GRIA2: variants seen among roughly 807,000 people sequenced by gnomAD.
The protein encoded by GRIA2 is glutamate ionotropic receptor AMPA type subunit 2, also known as glutamate receptor 2.
GRIA2 carries 14 observed loss-of-function variants against 97.3 expected under a neutral mutation model. The ratio of observed to expected loss-of-function variants is 0.14; its 90% confidence interval spans 0.10 to 0.23. The LOEUF (loss-of-function observed/expected upper bound fraction) is 0.23. Among genes scored for constraint, GRIA2 ranks in the 10% least tolerant of loss-of-function variants. The probability of loss-of-function intolerance (pLI) is 1.00; values close to 1 mark genes in which losing one functional copy is unlikely to be tolerated. For missense variants in GRIA2, 558 were observed against 1,069.8 expected, an observed-to-expected ratio of 0.52 and a Z score of 6.67; for synonymous variants, 412 against 387.8, an observed-to-expected ratio of 1.06 and a Z score of -0.73.
intron 2 of GRIA2, among the ~76,000 whole-genome samples, chr4:157,222,854 C>T (rs1291328611): frequency 6.6e-6 from 1 of 152,212 alleles, no homozygotes; most frequent in Non-Finnish European, 1.5e-5. Context: ...CCAGAGGGCT[C>T]CGGTCCCCGC....
chr4:157,248,801 TATATATATATATAA>T (rs1561009790), intron 2 of GRIA2, among the ~76,000 whole-genome samples: 2 of 133,236 alleles, frequency 1.5e-5, no homozygotes, highest in African/African-American at 5.6e-5. Context: ...TATATATATA[TATATATATATATAA>T]ATAAAATAAT....
At chr4:157,235,757 C>T (rs1302191571) in intron 2 of GRIA2, among the ~76,000 whole-genome samples, 1 of 151,700 alleles carries the variant, frequency 6.6e-6, no homozygotes, top group African/African-American at 2.4e-5. Flanking sequence ...TCTTTCATTG[C>T]CACAATCTCT....
At chr4:157,353,624 C>T (rs1314138981) in intron 12 of GRIA2, among the ~76,000 whole-genome samples, 1 of 151,398 alleles carries the variant, frequency 6.6e-6, no homozygotes, top group Middle Eastern at 3.4e-3. Context: ...TGCAGTGAGC[C>T]GAGATAGGAG....
At chr4:157,332,783 C>T in intron 6 of GRIA2, 36 bp from the exon 7 acceptor site, 1 of 1,554,198 alleles carries the variant, frequency 6.4e-7, no homozygotes, top group South Asian at 1.1e-5. Flanking sequence ...TCTGAATTTT[C>T]TCCCGTTCTT....
chr4:157,309,615 G>A (rs904146250), intron 3 of GRIA2, among the ~76,000 whole-genome samples: 1 of 152,164 alleles, frequency 6.6e-6, no homozygotes, highest in Non-Finnish European at 1.5e-5. Flanking sequence ...CCTGGCGCAA[G>A]TTAGGCATTT....
intron 6 of GRIA2, among the ~76,000 whole-genome samples, chr4:157,323,336 CAAAAAAAAAAAAAAAAAA>C (rs779080483): frequency 5.8e-5 from 3 of 51,436 alleles, no homozygotes; most frequent in African/African-American, 2.5e-4. Context: ...GACTCTGTCT[CAAAAAAAAAAAAAAAAAA>C]AAAAAAAAAA....
chr4:157,278,258 A>T (rs2126807778), intron 2 of GRIA2, among the ~76,000 whole-genome samples: 1 of 152,040 alleles, frequency 6.6e-6, no homozygotes, highest in East Asian at 1.9e-4. Context: ...ACAGAGTGAT[A>T]TTGGTAAAAC....
At chr4:157,224,613 G>A (rs1729660445) in intron 2 of GRIA2, among the ~76,000 whole-genome samples, 1 of 152,124 alleles carries the variant, frequency 6.6e-6, no homozygotes. Flanking sequence ...GAGAGAGAGG[G>A]AAAGGGAAAG....
chr4:157,294,334 A>C (rs772349997), intron 2 of GRIA2, among the ~76,000 whole-genome samples: 25 of 152,036 alleles, frequency 1.6e-4, no homozygotes, highest in Non-Finnish European at 3.2e-4. Context: ...ATGTCATTGA[A>C]TCTATGTTTA....
intron 2 of GRIA2, among the ~76,000 whole-genome samples, chr4:157,223,308 T>C (rs1049841975): frequency 6.6e-6 from 1 of 152,160 alleles, no homozygotes; most frequent in Non-Finnish European, 1.5e-5. Context: ...TTATAATGGA[T>C]CTATTTAAGA....
intron 2 of GRIA2, among the ~76,000 whole-genome samples, chr4:157,282,307 G>A (rs977985630): frequency 3.3e-5 from 5 of 152,030 alleles, no homozygotes; most frequent in South Asian, 4.1e-4. Context: ...GATTTATTAC[G>A]GGACATGAGT....
chr4:157,338,898 CTTA>C (rs1275509536), intron 11 of GRIA2, among the ~76,000 whole-genome samples: 1 of 151,846 alleles, frequency 6.6e-6, no homozygotes, highest in Non-Finnish European at 1.5e-5. Flanking sequence ...AATACAGTAG[CTTA>C]TTATCATTTT....
intron 2 of GRIA2, among the ~76,000 whole-genome samples, chr4:157,230,314 T>A (rs548669803): frequency 6.6e-6 from 1 of 152,200 alleles, no homozygotes. Context: ...AGAGTGGGCA[T>A]GTTCAAACAA....
chr4:157,226,309 TA>T (rs1293537312), intron 2 of GRIA2, among the ~76,000 whole-genome samples: 1 of 152,046 alleles, frequency 6.6e-6, no homozygotes, highest in African/African-American at 2.4e-5. Context: ...TAAAACATTG[TA>T]AAGAAATTTA....
At chr4:157,254,510 T>C (rs1731156189) in intron 2 of GRIA2, among the ~76,000 whole-genome samples, 1 of 151,650 alleles carries the variant, frequency 6.6e-6, no homozygotes, top group African/African-American at 2.4e-5. Context: ...GCCCCTGAAA[T>C]CAAAAAGAAA....
intron 2 of GRIA2, among the ~76,000 whole-genome samples, chr4:157,241,495 A>C (rs1237186917): frequency 6.6e-6 from 1 of 152,032 alleles, no homozygotes; most frequent in Non-Finnish European, 1.5e-5. Context: ...GCCTCTCTCC[A>C]TTTCTTTTAG....
At chr4:157,356,415 A>G (rs1579391092) in intron 12 of GRIA2, among the ~76,000 whole-genome samples, 1 of 151,540 alleles carries the variant, frequency 6.6e-6, no homozygotes, top group African/African-American at 2.4e-5. Flanking sequence ...TCAGTATTAC[A>G]GATGATGGGA....
chr4:157,308,428 T>A (rs116227501), intron 3 of GRIA2, among the ~76,000 whole-genome samples: 4,567 of 152,326 alleles, frequency 0.03, 75 homozygotes, highest in Middle Eastern at 0.082. Context: ...ACTTTTAGAC[T>A]GTAGCAATAT....
At chr4:157,244,955 C>T (rs889569078) in intron 2 of GRIA2, among the ~76,000 whole-genome samples, 2 of 151,868 alleles carry the variant, frequency 1.3e-5, no homozygotes, top group Non-Finnish European at 2.9e-5. Context: ...TTAATTTGCT[C>T]ATCTTCTGAT....
Sources: allele counts gnomAD v4.1 joint callset (sites outside exome capture counted in the v4.1 genomes callset), GRCh38; gene constraint gnomAD v4.1.1; transcripts MANE v1.5; gene names NCBI Gene and HGNC (gene_info 2026-07-23, HGNC 2026-07-21).